YOD1: variants seen among roughly 807,000 people sequenced by gnomAD.
YOD1 encodes YOD1 deubiquitinase.
In YOD1, 17 loss-of-function variants were observed where a neutral mutation model predicts 23.7. The ratio of observed to expected loss-of-function variants is 0.72; its 90% CI spans 0.49 to 1.07. The LOEUF (loss-of-function observed/expected upper bound fraction) is 1.07. Ranked by LOEUF, YOD1 falls within the 50% of genes least tolerant of loss-of-function variation. The probability of loss-of-function intolerance (pLI) is 0.00; values close to 1 mark genes in which losing one functional copy is unlikely to be tolerated. For missense variants in YOD1, 413 were observed against 447.2 expected, an observed-to-expected ratio of 0.92 and a Z score of 0.69; for synonymous variants, 191 against 169.6, an observed-to-expected ratio of 1.13 and a Z score of -0.98.
chr1:207,052,667 A>G (rs982782028), upstream of YOD1, among the ~76,000 whole-genome samples: 4 of 152,046 alleles, frequency 2.6e-5, no homozygotes, highest in Non-Finnish European at 4.4e-5. Context: ...AACAAAAACC[A>G]AACCAAACCA....
Position 207,048,889 on chromosome 1 carries a change from A to C in YOD1, c.*131T>G. The C allele has an allele frequency of 1.2e-6, 1 of 810,522 alleles. No homozygotes were observed. Among genetic ancestry groups the C allele is most frequent in the South Asian group, 1.7e-5 (1 of 58,096 alleles). The allele number at this position is 810,522 out of a possible 1,614,324, so 50.2% of individuals were successfully genotyped here. On this transcript the variant is annotated 3_prime_UTR_variant, in exon 2 of 2. Coordinates refer to ENST00000315927, the MANE Select transcript of YOD1 (RefSeq NM_018566.4). ...TCTTAACAAGGAATTTCAGTGTCTT[A>C]GTGGTTTTAAGTTAAAAGGATGGTT...
chr1:207,052,244 A>C (rs1175666656), upstream of YOD1: 1 of 1,611,402 alleles, frequency 6.2e-7, no homozygotes, highest in Admixed American at 1.7e-5. Context: ...ATCTTTTCAC[A>C]TCTTTCATGA....
In YOD1 at chr1:207,047,144, T is replaced by C. The variant is rs1368975981; in HGVS notation, c.*1876A>G. The C allele has an allele frequency of 6.6e-6, 1 of 152,536 alleles. No homozygotes were observed. Among genetic ancestry groups the C allele is most frequent in the Admixed American group, 6.5e-5 (1 of 15,286 alleles). The allele number at this position is 152,536 out of a possible 1,614,324, so 9.4% of individuals were successfully genotyped here. A position where few individuals can be genotyped will look rare whatever the true frequency, so the allele number is the denominator to read the frequency against. ...AGGTGTGGAGAGATTTTCAATCCCA[T>C]TAATTTGAACACATTATGATTGCCA... On this transcript the variant is annotated 3_prime_UTR_variant, in exon 2 of 2. Coordinates refer to ENST00000315927, the MANE Select transcript of YOD1 (RefSeq NM_018566.4).
rs1383424316 is a variant in YOD1, at chr1:207,046,095, C to G, written c.*2925G>C. ...TGAATCTTCATAGTACTACACCTGA[C>G]CTTTAATCCAAAGAAAAGTAAGAGA... On this transcript the variant is annotated 3_prime_UTR_variant, in exon 2 of 2. Transcript: ENST00000315927. The G allele has an allele frequency of 1.3e-5, 2 of 151,952 alleles. No homozygotes were observed. Among genetic ancestry groups the G allele is most frequent in the East Asian group, 3.9e-4 (2 of 5,190 alleles). 9.4% of individuals were successfully genotyped at this position (151,952 alleles called of 1,614,324 possible). A position where few individuals can be genotyped will look rare whatever the true frequency, so the allele number is the denominator to read the frequency against.
At chr1:207,051,762 A>G (rs563301068), upstream of YOD1, among the ~76,000 whole-genome samples, 4 of 152,382 alleles carry the variant, frequency 2.6e-5, no homozygotes, top group African/African-American at 9.6e-5. Context: ...TGAGACACAC[A>G]GCCACTGAAT....
chr1:207,050,101 G>C (rs3123020), intron 1 of YOD1, among the ~76,000 whole-genome samples: 14 of 152,282 alleles, frequency 9.2e-5, no homozygotes, highest in African/African-American at 3.4e-4. Flanking sequence ...ATCTACTCTA[G>C]AGTGTTTACA....
rs1682626531 is a variant in YOD1 at position 207,047,429 on chromosome 1, A to C, written c.*1591T>G. 6.6e-6 allele frequency: 1 copy of C among 152,600 alleles called. No individual in the cohort carries two copies. 9.5% of individuals were successfully genotyped at this position (152,600 alleles called of 1,614,324 possible). ...CACCAAGTGAAAGTGCTAAAAATAA[A>C]TGTCAATTTTAAAACATTTGCTAGG... On this transcript the variant is annotated 3_prime_UTR_variant, in exon 2 of 2. Transcript: ENST00000315927.
rs1295965104 is a variant in YOD1 at position 207,044,765 on chromosome 1, A to G, written c.*4255T>C. 6.6e-6 allele frequency: 1 copy of G among 152,522 alleles called. No homozygotes were observed. The highest frequency in any genetic ancestry group is 1.5e-5 in the Non-Finnish European group (1 of 67,936). 9.4% of individuals were successfully genotyped at this position (152,522 alleles called of 1,614,324 possible). ...AAGGGTAATTCATGACTAGGAATGCATCTATTTGACAATCTCTTCTTTATC... is the reference window on the plus strand; with the variant it reads ...AAGGGTAATTCATGACTAGGAATGCGTCTATTTGACAATCTCTTCTTTATC... On this transcript the variant is annotated 3_prime_UTR_variant, in exon 2 of 2. Transcript: ENST00000315927.
In YOD1 at chr1:207,050,970, C is replaced by G. The variant is rs1454496374; in HGVS notation, c.61G>C (p.Gly21Arg). The G allele has an allele frequency of 6.5e-7, 1 of 1,546,304 alleles. No homozygotes were observed. The highest frequency in any genetic ancestry group is 8.8e-7 in the Non-Finnish European group (1 of 1,142,854). Residue 21 changes from glycine to arginine, a missense_variant, in exon 1 of 2, where the codon GGC (glycine) becomes CGC (arginine). Physicochemically the swap from Gly to Arg is moderately radical, Grantham distance 125 (BLOSUM62 -2). Coordinates refer to ENST00000315927, the MANE Select transcript of YOD1 (RefSeq NM_018566.4). ...GVHPAPGFPG[G>R]VSQQAAGTKA... is the part of the protein sequence containing the mutation. ...GTCCCGGCAGCCTGTTGGGAGACGC[C>G]GCCGGGGAAACCAGGCGCCGGGTGG...
chr1:207,051,833 C>T (rs766461741), upstream of YOD1, among the ~76,000 whole-genome samples: 1 of 152,172 alleles, frequency 6.6e-6, no homozygotes, highest in Non-Finnish European at 1.5e-5. Context: ...TGCCTAGAAC[C>T]CAGGACTGTG....
At position 207,048,137 on chromosome 1, in the gene YOD1, T is replaced by C. The variant is rs1682642287; in HGVS notation, c.*883A>G. ...TTTCAAGGAATTTCAATTAAAAAAG[T>C]ACCCTGCTTAACTTTAAAATGTTAT... On this transcript the variant is annotated 3_prime_UTR_variant, in exon 2 of 2. Coordinates refer to ENST00000315927, the MANE Select transcript of YOD1 (RefSeq NM_018566.4). 6.6e-6 allele frequency: 1 copy of C among 152,628 alleles called. No individual in the cohort carries two copies. The highest frequency in any genetic ancestry group is 6.5e-5 in the Admixed American group (1 of 15,278). 9.5% of individuals were successfully genotyped at this position (152,628 alleles called of 1,614,324 possible). A position where few individuals can be genotyped will look rare whatever the true frequency, so the allele number is the denominator to read the frequency against.
upstream of YOD1, chr1:207,052,219 A>G: frequency 6.2e-7 from 1 of 1,612,714 alleles, no homozygotes; most frequent in Non-Finnish European, 8.5e-7. Flanking sequence ...TGAATAAATT[A>G]TATGTAATGT....
chr1:207,051,842 TGCCTC>T (rs1682760314), upstream of YOD1, among the ~76,000 whole-genome samples: 1 of 152,162 alleles, frequency 6.6e-6, no homozygotes, highest in African/African-American at 2.4e-5. Context: ...CCCAGGACTG[TGCCTC>T]GCAAATAAAA....
rs747387931 is a variant in YOD1, at chr1:207,047,473, T to C, written c.*1547A>G. On this transcript the variant is annotated 3_prime_UTR_variant, in exon 2 of 2. Transcript: ENST00000315927. ...TGCTAGGCAGATATGCTGAAAAAGA[T>C]CCAAGTGCTTTAAAGTATACCACTG... 1.3e-4 allele frequency: 20 copies of C among 152,594 alleles called. No homozygotes were observed. The highest frequency in any genetic ancestry group is 2.8e-4 in the Non-Finnish European group (19 of 68,000). 9.5% of individuals were successfully genotyped at this position (152,594 alleles called of 1,614,324 possible). A position where few individuals can be genotyped will look rare whatever the true frequency, so the allele number is the denominator to read the frequency against.
At chr1:207,052,024 C>T (rs1234586545), upstream of YOD1, among the ~76,000 whole-genome samples, 1 of 152,234 alleles carries the variant, frequency 6.6e-6, no homozygotes, top group East Asian at 1.9e-4. Flanking sequence ...AAAGACATCC[C>T]TGAATTTATA....
In YOD1 at chr1:207,048,854, CTAATTT is replaced by C; in HGVS notation, c.*160_*165del. ...AGACACACATCTGTAAACTTGCACA[CTAATTT>C]TAATCTTAACAAGGAATTTCAGTGT... On this transcript the variant is annotated 3_prime_UTR_variant, in exon 2 of 2. Coordinates refer to ENST00000315927, the MANE Select transcript of YOD1 (RefSeq NM_018566.4). 1 of 660,848 alleles carries C rather than the reference CTAATTT, an allele frequency of 1.5e-6. No individual in the cohort carries two copies. Among genetic ancestry groups the C allele is most frequent in the South Asian group, 1.9e-5 (1 of 51,488 alleles). The allele number at this position is 660,848 out of a possible 1,614,324, so 40.9% of individuals were successfully genotyped here. A position where few individuals can be genotyped will look rare whatever the true frequency, so the allele number is the denominator to read the frequency against.
chr1:207,049,477 T>C lies in YOD1; in HGVS notation c.590A>G (p.Tyr197Cys), dbSNP rs370833416. ...AQIVASDPDF[Y>C]SEAILGKTNQ... Reference sequence around the variant, plus strand: ...TGTTTTTCCCAGTATTGCCTCACTATAGAAGTCTGGATCGCTTGCTACAAT... The same window carrying C: ...TGTTTTTCCCAGTATTGCCTCACTACAGAAGTCTGGATCGCTTGCTACAAT... Residue 197 changes from tyrosine (Y) to cysteine (C), a missense_variant, in exon 2 of 2, where the codon TAT (tyrosine) becomes TGT (cysteine). Transcript: ENST00000315927. 6 of 1,614,104 alleles carry C rather than the reference T, an allele frequency of 3.7e-6. No individual in the cohort carries two copies. The highest frequency in any genetic ancestry group is 1.1e-5 in the South Asian group (1 of 91,088).
At position 207,050,945 on chromosome 1, in the gene YOD1, G is replaced by A. The variant is rs201269070; in HGVS notation, c.86C>T (p.Thr29Ile). The A allele has an allele frequency of 6.0e-4, 949 of 1,576,462 alleles. 1 individual carries two copies. Among genetic ancestry groups the A allele is most frequent in the Non-Finnish European group, 5.0e-4 (576 of 1,160,336 alleles). ...CCAGGCACCCGCGGGGCCAGCTTTGGTCCCGGCAGCCTGTTGGGAGACGCC... is the reference window on the plus strand; with the variant it reads ...CCAGGCACCCGCGGGGCCAGCTTTGATCCCGGCAGCCTGTTGGGAGACGCC... ...PGGVSQQAAG[T>I]KAGPAGAWPV... is the part of the protein sequence containing the mutation. Residue 29 changes from threonine to isoleucine, a missense_variant, in exon 1 of 2, where the codon ACC (threonine) becomes ATC (isoleucine). By Grantham distance (89) the Thr-to-Ile change is moderately conservative. Coordinates refer to ENST00000315927, the MANE Select transcript of YOD1 (RefSeq NM_018566.4).
Position 207,045,502 on chromosome 1 carries a change from T to C in YOD1, c.*3518A>G, listed in dbSNP as rs528497030. 1 of 152,492 alleles carries C rather than the reference T, an allele frequency of 6.6e-6. No homozygotes were observed. The highest frequency in any genetic ancestry group is 2.1e-4 in the South Asian group (1 of 4,826). 9.4% of individuals were successfully genotyped at this position (152,492 alleles called of 1,614,324 possible). A position where few individuals can be genotyped will look rare whatever the true frequency, so the allele number is the denominator to read the frequency against. Reference sequence around the variant, plus strand: ...TAGAGGGCCAACATGTAAACTTTTATTCCATATATATTTTTTAAAGTGCTG... The same window carrying C: ...TAGAGGGCCAACATGTAAACTTTTACTCCATATATATTTTTTAAAGTGCTG... On this transcript the variant is annotated 3_prime_UTR_variant, in exon 2 of 2. Transcript: ENST00000315927.
Sources: allele counts gnomAD v4.1 joint callset (sites outside exome capture counted in the v4.1 genomes callset), GRCh38; gene constraint gnomAD v4.1.1; transcripts MANE v1.5; gene names NCBI Gene and HGNC (gene_info 2026-07-23, HGNC 2026-07-21).